SPATA6: variants seen among roughly 807,000 people sequenced by gnomAD.
SPATA6 encodes the protein spermatogenesis associated 6.
Under a neutral mutation model 65.3 loss-of-function variants are expected in SPATA6, and 56 were observed. The observed-to-expected ratio is 0.86, with a 90% confidence interval of 0.69 to 1.07. The LOEUF is 1.07. SPATA6 is among the 50% of genes least tolerant of loss of function. The pLI is 0.00. For missense variants in SPATA6, 590 were observed against 594.8 expected (o/e 0.99, Z 0.08); for synonymous variants, 199 against 213.2 (o/e 0.93, Z 0.58).
At chr1:48,367,343 G>C (rs1321419403) in intron 9 of SPATA6, among the ~76,000 whole-genome samples, 5 of 152,072 alleles carry the variant, frequency 3.3e-5, no homozygotes, top group East Asian at 1.9e-4. Context: ...TCAATTCCTG[G>C]GTATCCTTGT....
chr1:48,266,715 A>G, the SPATA6 span, among the ~76,000 whole-genome samples: 2 of 152,184 alleles, frequency 1.3e-5, no homozygotes, highest in Non-Finnish European at 1.5e-5. Flanking sequence ...CATTTGGCAA[A>G]AACAATTCCC....
At chr1:48,469,557 T>C (rs1658073500) in intron 1 of SPATA6, among the ~76,000 whole-genome samples, 1 of 151,186 alleles carries the variant, frequency 6.6e-6, no homozygotes, top group Non-Finnish European at 1.5e-5. Flanking sequence ...CCAGTGAAAA[T>C]GGTTAAAGCA....
chr1:48,349,777 C>T (rs1217936171), intron 11 of SPATA6, among the ~76,000 whole-genome samples: 1 of 151,836 alleles, frequency 6.6e-6, no homozygotes, highest in East Asian at 1.9e-4. Flanking sequence ...TAAGATTCAT[C>T]ATGTTGTGTG....
intron 9 of SPATA6, among the ~76,000 whole-genome samples, chr1:48,370,356 CA>C (rs1355200062): frequency 6.6e-6 from 1 of 152,156 alleles, no homozygotes; most frequent in Non-Finnish European, 1.5e-5. Context: ...GCAGGATGGC[CA>C]GAGGAAAGTA....
chr1:48,304,584 T>C (rs747902527), intron 12 of SPATA6, among the ~76,000 whole-genome samples: 3 of 152,176 alleles, frequency 2.0e-5, no homozygotes, highest in Non-Finnish European at 4.4e-5. Flanking sequence ...CCTCAAGTGA[T>C]CCTCCGATGG....
chr1:48,425,474 C>T (rs916008171), intron 3 of SPATA6, among the ~76,000 whole-genome samples: 2 of 152,126 alleles, frequency 1.3e-5, no homozygotes, highest in African/African-American at 4.8e-5. Context: ...GTGTAGTTTG[C>T]TTTAGACACT....
At chr1:48,320,531 A>G (rs1158744125) in intron 11 of SPATA6, among the ~76,000 whole-genome samples, 1 of 152,244 alleles carries the variant, frequency 6.6e-6, no homozygotes, top group African/African-American at 2.4e-5. Context: ...TCTTTCAAAC[A>G]TTAAGGAGAA....
chr1:48,395,145 A>C, intron 8 of SPATA6, 122 bp downstream of exon 8: 1 of 617,664 alleles, frequency 1.6e-6, no homozygotes, highest in Non-Finnish European at 2.5e-6. Context: ...GTAAAAAGCT[A>C]CATTATACAA....
At chr1:48,367,848 T>G (rs1008065377) in intron 9 of SPATA6, among the ~76,000 whole-genome samples, 8 of 152,196 alleles carry the variant, frequency 5.3e-5, no homozygotes, top group Non-Finnish European at 1.2e-4. Context: ...CTTGATGTTA[T>G]CTGGTTATTT....
At chr1:48,290,260 GT>G in the SPATA6 span, among the ~76,000 whole-genome samples, 1 of 152,164 alleles carries the variant, frequency 6.6e-6, no homozygotes, top group South Asian at 2.1e-4. Context: ...AGCCTCATAA[GT>G]GAAGGAGAAA....
chr1:48,436,946 G>C, intron 3 of SPATA6: 1 of 1,613,300 alleles, frequency 6.2e-7, no homozygotes, highest in African/African-American at 1.3e-5. Flanking sequence ...ACAGTAAATA[G>C]TGACCGATTA....
At chr1:48,450,810 G>A (rs2148149667) in intron 3 of SPATA6, among the ~76,000 whole-genome samples, 2 of 152,232 alleles carry the variant, frequency 1.3e-5, no homozygotes, top group South Asian at 4.2e-4. Flanking sequence ...AGTCGCAATG[G>A]GGCCAGCAGG....
intron 3 of SPATA6, among the ~76,000 whole-genome samples, chr1:48,419,972 T>C (rs1653165690): frequency 6.6e-6 from 1 of 152,156 alleles, no homozygotes. Flanking sequence ...AAGGACTGTC[T>C]TTTTGTATGC....
the SPATA6 span, among the ~76,000 whole-genome samples, chr1:48,286,327 G>A: frequency 6.6e-6 from 1 of 151,970 alleles, no homozygotes; most frequent in Non-Finnish European, 1.5e-5. Context: ...GTCTATTTGT[G>A]TCTTTCTGAA....
intron 7 of SPATA6, 147 bp from the exon 8 acceptor site, chr1:48,395,501 A>C: frequency 2.3e-6 from 1 of 437,608 alleles, no homozygotes; most frequent in South Asian, 1.1e-4. Flanking sequence ...CATGTTCCAA[A>C]GAGTTTATTC....
At chr1:48,430,884 TA>T (rs1654338625) in intron 3 of SPATA6, among the ~76,000 whole-genome samples, 1 of 152,138 alleles carries the variant, frequency 6.6e-6, no homozygotes, top group African/African-American at 2.4e-5. Context: ...TTGTAAGGCA[TA>T]TAGAAAACCA....
chr1:48,371,201 TATC>T (rs1647243935), intron 9 of SPATA6, among the ~76,000 whole-genome samples: 1 of 152,064 alleles, frequency 6.6e-6, no homozygotes, highest in Non-Finnish European at 1.5e-5. Context: ...TAAAAAAAAT[TATC>T]ATCTCAACAG....
In SPATA6 at chr1:48,399,747, T is replaced by C. The variant is rs72895108; in HGVS notation, c.487-103A>G. Reference sequence around the variant, plus strand: ...TAATTTAAATAAGACGCAAAATCTATCAAAGCCAACTAGATCAGTCCTTCC... The same window carrying C: ...TAATTTAAATAAGACGCAAAATCTACCAAAGCCAACTAGATCAGTCCTTCC... On this transcript the variant is annotated intron_variant, in intron 6 of 12. Coordinates refer to ENST00000371847, the MANE Select transcript of SPATA6 (RefSeq NM_019073.4). The C allele has an allele frequency of 2.9e-3, 3,075 of 1,077,800 alleles. 63 individuals carry two copies. In the African/African-American group the frequency reaches 0.044, roughly 16 times the overall value. 66.8% of individuals were successfully genotyped at this position (1,077,800 alleles called of 1,614,324 possible).
the SPATA6 span, among the ~76,000 whole-genome samples, chr1:48,279,600 G>A: frequency 1.3e-5 from 2 of 152,150 alleles, no homozygotes; most frequent in Admixed American, 1.3e-4. Flanking sequence ...ATTACATAAT[G>A]GTAAAGGGAT....
Sources: allele counts gnomAD v4.1 joint callset (sites outside exome capture counted in the v4.1 genomes callset), GRCh38; gene constraint gnomAD v4.1.1; transcripts MANE v1.5; gene names NCBI Gene and HGNC (gene_info 2026-07-23, HGNC 2026-07-21).